Variants in CENPP observed in about 807,000 individuals in gnomAD.
CENPP encodes centromere protein P.
CENPP carries 24 observed loss-of-function variants against 35.6 expected under a neutral mutation model. That is an observed-to-expected ratio of 0.67 (90% confidence interval 0.49 to 0.95). The LOEUF is 0.95. CENPP is among the 40% of genes least tolerant of loss of function. The pLI is 0.00. For synonymous variants in CENPP, 120 were observed against 125.5 expected, an observed-to-expected ratio of 0.96 and a Z score of 0.29; for missense variants, 332 against 345.3, an observed-to-expected ratio of 0.96 and a Z score of 0.31.
intron 2 of CENPP, among the ~76,000 whole-genome samples, chr9:92,332,678 G>A (rs1040003558): frequency 6.6e-5 from 10 of 152,072 alleles, no homozygotes; most frequent in Non-Finnish European, 1.2e-4. Context: ...TGTGTTGGTG[G>A]GCACCTGTAA....
In CENPP at chr9:92,476,996, T is replaced by C. The variant is rs955760926; in HGVS notation, c.564+97137T>C. Among the ~76,000 whole-genome samples, 14 of 152,212 alleles carry C rather than the reference T, an allele frequency of 9.2e-5. No homozygotes were observed. The highest frequency in any genetic ancestry group is 3.1e-4 in the African/African-American group (13 of 41,464). On this transcript the variant is annotated intron_variant, in intron 5 of 7. Coordinates refer to ENST00000375587, the MANE Select transcript of CENPP (RefSeq NM_001012267.3). This position sits in a 1 kb window ranked among gnomAD's most constrained non-coding sequence, Gnocchi z 4.1. ...ACATCTGTACATAAAGAAGCACCTG[T>C]GTAGCTTGGATTGGAAGGTAGAGAA...
chr9:92,393,692 C>T (rs1842779071), intron 5 of CENPP, among the ~76,000 whole-genome samples: 1 of 152,092 alleles, frequency 6.6e-6, no homozygotes, highest in Admixed American at 6.5e-5. Context: ...CCTTTAGCAC[C>T]CCAAGTCATT....
At chr9:92,344,589 G>T (rs796250256) in intron 3 of CENPP, among the ~76,000 whole-genome samples, 9 of 151,642 alleles carry the variant, frequency 5.9e-5, no homozygotes, top group African/African-American at 2.2e-4. Flanking sequence ...GCTCTGTTGC[G>T]CAGGCTGTAG....
At chr9:92,416,742 G>T in intron 5 of CENPP, 1 of 1,613,280 alleles carries the variant, frequency 6.2e-7, no homozygotes, top group Non-Finnish European at 8.5e-7. Context: ...ATATTATATG[G>T]GATGTCTTGT....
intron 5 of CENPP, among the ~76,000 whole-genome samples, chr9:92,540,654 G>T (rs939702701): frequency 6.8e-6 from 1 of 147,724 alleles, no homozygotes; most frequent in Non-Finnish European, 1.5e-5. Context: ...GCCTGTAGTC[G>T]CAGCTACTCG....
At chr9:92,427,333 TTG>T (rs1843993053) in intron 5 of CENPP, among the ~76,000 whole-genome samples, 1 of 152,098 alleles carries the variant, frequency 6.6e-6, no homozygotes, top group Non-Finnish European at 1.5e-5. Flanking sequence ...CAGCTAATTT[TTG>T]TATTTTTAGT....
intron 5 of CENPP, among the ~76,000 whole-genome samples, chr9:92,394,905 C>T (rs999869356): frequency 6.6e-6 from 1 of 152,098 alleles, no homozygotes; most frequent in Non-Finnish European, 1.5e-5. Context: ...CCACGCCCGG[C>T]CTATTTTTTG....
intron 5 of CENPP, among the ~76,000 whole-genome samples, chr9:92,458,952 C>A (rs1844987853): frequency 6.6e-6 from 1 of 152,136 alleles, no homozygotes; most frequent in South Asian, 2.1e-4. Context: ...GCTTGTTGCC[C>A]AGTTTTGTTC....
At position 92,619,589 on chromosome 9, in the gene CENPP, T is replaced by C; in HGVS notation, c.*6440T>C. On this transcript the variant is annotated 3_prime_UTR_variant, in exon 8 of 8. Transcript: ENST00000375587. ...ACCTGCAGGGGCGGGAAAGATCAGCTCCAGGTCACACAGGAAGCCTCTGCC... is the reference window on the plus strand; with the variant it reads ...ACCTGCAGGGGCGGGAAAGATCAGCCCCAGGTCACACAGGAAGCCTCTGCC... 1 of 1,559,042 alleles carries C rather than the reference T, an allele frequency of 6.4e-7. No homozygotes were observed. Among genetic ancestry groups the C allele is most frequent in the Non-Finnish European group, 8.7e-7 (1 of 1,149,742 alleles).
chr9:92,494,723 A>G (rs879792586), intron 5 of CENPP, among the ~76,000 whole-genome samples: 1 of 152,126 alleles, frequency 6.6e-6, no homozygotes, highest in Admixed American at 6.5e-5. Flanking sequence ...CCTGGCCAAC[A>G]TGGTAAAACC....
chr9:92,388,191 C>T (rs1389113831), intron 5 of CENPP, among the ~76,000 whole-genome samples: 1 of 151,832 alleles, frequency 6.6e-6, no homozygotes, highest in Non-Finnish European at 1.5e-5. Flanking sequence ...CTGAATCTTG[C>T]TCTGTGGCCC....
chr9:92,441,367 G>T (rs898084415), intron 5 of CENPP, among the ~76,000 whole-genome samples: 1 of 152,146 alleles, frequency 6.6e-6, no homozygotes, highest in Non-Finnish European at 1.5e-5. Context: ...TAGACTGTGG[G>T]AAATGCCTGT....
At chr9:92,384,183 A>T (rs977192607) in intron 5 of CENPP, 1 of 152,200 alleles carries the variant, frequency 6.6e-6, no homozygotes, top group Non-Finnish European at 1.5e-5. Flanking sequence ...TGAGCTAATA[A>T]TCATTGTTAG....
chr9:92,357,461 C>CATT (rs36222751), intron 4 of CENPP, among the ~76,000 whole-genome samples: 2,166 of 143,442 alleles, frequency 0.015, 33 homozygotes, highest in African/African-American at 0.032. Flanking sequence ...TCATCTCCCT[C>CATT]ATTATTATTA....
chr9:92,374,241 CTGTGTGTG>C (rs10569730), intron 4 of CENPP, among the ~76,000 whole-genome samples: 3,119 of 142,840 alleles, frequency 0.022, 120 homozygotes, highest in African/African-American at 0.075. Context: ...TTGCTGTTTG[CTGTGTGTG>C]TGTGTGTGTG....
chr9:92,527,546 G>A (rs1026308044), intron 5 of CENPP, among the ~76,000 whole-genome samples: 2 of 152,164 alleles, frequency 1.3e-5, no homozygotes, highest in African/African-American at 4.8e-5. Context: ...ACATATGACT[G>A]TAATTTGTTG....
rs78811128 is a variant in CENPP at position 92,472,120 on chromosome 9, G to C, written c.564+92261G>C. 4.8e-3 allele frequency among the ~76,000 whole-genome samples: 737 copies of C among 152,144 alleles called. 4 individuals carry two copies. The highest frequency in any genetic ancestry group is 0.015 in the African/African-American group (642 of 41,504). ...TAATCCCAGCACTTTGGGAGGCCGAGGTGGGTGGGTCACTTAAGGTCAGGA... is the reference window on the plus strand; with the variant it reads ...TAATCCCAGCACTTTGGGAGGCCGACGTGGGTGGGTCACTTAAGGTCAGGA... On this transcript the variant is annotated intron_variant, in intron 5 of 7. Transcript: ENST00000375587.
intron 5 of CENPP, among the ~76,000 whole-genome samples, chr9:92,430,184 A>T (rs1236649341): frequency 1.3e-5 from 2 of 152,112 alleles, no homozygotes; most frequent in African/African-American, 4.8e-5. Flanking sequence ...CTTACTATGG[A>T]TCTGGTTGAA....
chr9:92,415,310 C>T (rs2130955239), intron 5 of CENPP: 2 of 1,613,638 alleles, frequency 1.2e-6, no homozygotes, highest in Non-Finnish European at 1.7e-6. Context: ...ATTGTTTGAC[C>T]ATTAGTGCTT....
Sources: gnomAD v4.1 joint callset for allele counts (sites outside exome capture counted in the v4.1 genomes callset) on GRCh38, gnomAD v4.1.1 for gene constraint, Gnocchi (gnomAD v3.1) non-coding constraint, MANE v1.5 for transcripts, NCBI Gene and HGNC (gene_info 2026-07-23, HGNC 2026-07-21) for gene names.